NSD2: variants seen among roughly 807,000 people sequenced by gnomAD.
The protein encoded by NSD2 is nuclear receptor binding SET domain protein 2.
A neutral mutation model predicts 139.0 loss-of-function variants in NSD2; 12 were observed. The ratio of observed to expected loss-of-function variants is 0.09; its 90% CI spans 0.06 to 0.14. The LOEUF (loss-of-function observed/expected upper bound fraction) is 0.14. Among genes scored for constraint, NSD2 ranks in the 10% least tolerant of loss-of-function variants. NSD2 has a pLI of 1.00. For synonymous variants in NSD2, 669 were observed against 648.7 expected (o/e 1.03, Z -0.48); for missense variants, 1,155 against 1,745.0 (o/e 0.66, Z 6.02).
intron 1 of NSD2, among the ~76,000 whole-genome samples, chr4:1,890,150 C>G (rs1038097526): frequency 6.6e-6 from 1 of 152,122 alleles, no homozygotes; most frequent in Non-Finnish European, 1.5e-5. Flanking sequence ...TAAATCAGGA[C>G]GTCATTTCTT....
At chr4:1,925,367 A>G (rs1202311954) in intron 5 of NSD2, among the ~76,000 whole-genome samples, 3 of 128,374 alleles carry the variant, frequency 2.3e-5, no homozygotes, top group Non-Finnish European at 5.0e-5. Context: ...CTGACTCTTT[A>G]GAGGTCATTT....
chr4:1,872,318 T>C (rs1277711276), intron 1 of NSD2, among the ~76,000 whole-genome samples: 1 of 152,150 alleles, frequency 6.6e-6, no homozygotes, highest in Admixed American at 6.5e-5. Flanking sequence ...CCTCAGTGCA[T>C]GAGATGGGAC....
At chr4:1,944,518 G>A (rs1303199622) in intron 9 of NSD2, 5 of 1,065,354 alleles carry the variant, frequency 4.7e-6, no homozygotes, top group Non-Finnish European at 5.7e-6. Context: ...CACACACTAT[G>A]TCTGTGCTTG....
chr4:1,939,994 C>G, intron 9 of NSD2: 1 of 1,416,954 alleles, frequency 7.1e-7, no homozygotes, highest in Non-Finnish European at 9.2e-7. Flanking sequence ...CACACGCACA[C>G]AGTGTCTGTG....
At chr4:1,882,563 C>G (rs897915385) in intron 1 of NSD2, among the ~76,000 whole-genome samples, 2 of 152,166 alleles carry the variant, frequency 1.3e-5, no homozygotes, top group African/African-American at 4.8e-5. Flanking sequence ...ACTCGGGAGG[C>G]TGAGGCAGGA....
At chr4:1,959,995 G>A (rs372274419) in intron 17 of NSD2, among the ~76,000 whole-genome samples, 1 of 152,154 alleles carries the variant, frequency 6.6e-6, no homozygotes, top group South Asian at 2.1e-4. Context: ...CAAGCAGCTG[G>A]GACTACAGGC....
chr4:1,913,090 C>G (rs1481212158), intron 3 of NSD2, among the ~76,000 whole-genome samples: 2 of 152,188 alleles, frequency 1.3e-5, no homozygotes, highest in Non-Finnish European at 2.9e-5. Flanking sequence ...AATCTCTGTT[C>G]TACAATTATA....
intron 1 of NSD2, chr4:1,887,538 C>G (rs1254095825): frequency 6.6e-6 from 1 of 152,118 alleles, no homozygotes; most frequent in African/African-American, 2.4e-5. Flanking sequence ...TACAGTGGCA[C>G]GATCATAGCT....
chr4:1,878,730 G>A (rs914407349), intron 1 of NSD2, among the ~76,000 whole-genome samples: 2 of 152,182 alleles, frequency 1.3e-5, no homozygotes, highest in African/African-American at 4.8e-5. Flanking sequence ...TTGATGTGGA[G>A]TTGGAAAGGT....
chr4:1,906,261 T>C (rs950430551), intron 3 of NSD2, among the ~76,000 whole-genome samples: 1 of 152,282 alleles, frequency 6.6e-6, no homozygotes, highest in Admixed American at 6.5e-5. Context: ...TTTTTGGGGA[T>C]GGAGGCTCGC....
chr4:1,976,189 A>G lies in NSD2; in HGVS notation c.3622-286A>G, dbSNP rs1727061863. On this transcript the variant is annotated intron_variant, in intron 20 of 21. Coordinates refer to ENST00000508803, the MANE Select transcript of NSD2 (RefSeq NM_001042424.3). This position sits in a 1 kb window ranked among gnomAD's most constrained non-coding sequence, Gnocchi z 5.3. ...GCCTCCTTTGCCAGTGGGTCCCATC[A>G]GCAGATCCTGGAGCTGTGTGTCTGC... Among the ~76,000 whole-genome samples, 2 of 152,210 alleles carry G rather than the reference A, an allele frequency of 1.3e-5. No individual in the cohort carries two copies. Among genetic ancestry groups the G allele is most frequent in the Non-Finnish European group, 2.9e-5 (2 of 68,032 alleles).
At chr4:1,872,074 C>T (rs1442318011) in intron 1 of NSD2, among the ~76,000 whole-genome samples, 1 of 151,832 alleles carries the variant, frequency 6.6e-6, no homozygotes, top group Non-Finnish European at 1.5e-5. Flanking sequence ...AGGGGTCGGG[C>T]CGAGGGTCGC....
At chr4:1,945,535 A>G in intron 9 of NSD2, 2 of 1,064,908 alleles carry the variant, frequency 1.9e-6, no homozygotes, top group East Asian at 5.0e-5. Context: ...TAAAATTAAG[A>G]TGATAAGAAA....
chr4:1,906,967 CTCTT>C (rs892786835), intron 3 of NSD2, among the ~76,000 whole-genome samples: 3 of 152,006 alleles, frequency 2.0e-5, no homozygotes, highest in Non-Finnish European at 4.4e-5. Context: ...GGCCTCATCT[CTCTT>C]TCTTTGCTTG....
In NSD2 at chr4:1,981,892, CAGCCTCACCAT is replaced by C. The variant is rs1727803058; in HGVS notation, c.*2985_*2995del. On this transcript the variant is annotated 3_prime_UTR_variant, in exon 22 of 22. Coordinates refer to ENST00000508803, the MANE Select transcript of NSD2 (RefSeq NM_001042424.3). Reference sequence around the variant, plus strand: ...AAAATGCTGTGTCCACGGGGTGTCACAGCCTCACCATACCCTGTTGAGGTGTGAAATGCCCC... The same window carrying C: ...AAAATGCTGTGTCCACGGGGTGTCACACCCTGTTGAGGTGTGAAATGCCCC... 2.5e-6 allele frequency: 1 copy of C among 398,544 alleles called. No individual in the cohort carries two copies. Among genetic ancestry groups the C allele is most frequent in the African/African-American group, 2.1e-5 (1 of 48,624 alleles). 24.7% of individuals were successfully genotyped at this position (398,544 alleles called of 1,614,324 possible).
rs1724648909 is a variant in NSD2 at position 1,954,954 on chromosome 4, A to G, written c.2339-207A>G. 4.6e-5 allele frequency among the ~76,000 whole-genome samples: 7 copies of G among 152,182 alleles called. 1 individual carries two copies. Among genetic ancestry groups the G allele is most frequent in the Admixed American group, 4.6e-4 (7 of 15,270 alleles). On this transcript the variant is annotated intron_variant, in intron 12 of 21. Transcript: ENST00000508803. ...AGGTGCCTGCAGTGCCCAGGCTGAG[A>G]CACGCGGCATTTTAGATGTATGACC...
chr4:1,886,631 A>G (rs1715134313), intron 1 of NSD2, among the ~76,000 whole-genome samples: 1 of 152,046 alleles, frequency 6.6e-6, no homozygotes, highest in South Asian at 2.1e-4. Flanking sequence ...GGAGATCAAG[A>G]CCATCCTAGC....
chr4:1,913,765 C>T (rs1718996277), intron 3 of NSD2, among the ~76,000 whole-genome samples: 1 of 152,054 alleles, frequency 6.6e-6, no homozygotes, highest in African/African-American at 2.4e-5. Context: ...GGGCCACTAC[C>T]AGTCTCCGCA....
intron 9 of NSD2, chr4:1,943,726 CAAAAA>C (rs201271995): frequency 5.7e-6 from 6 of 1,047,914 alleles, no homozygotes; most frequent in Non-Finnish European, 4.6e-6. Context: ...TTAAAATTCT[CAAAAA>C]AAAACCCCAC....
Sources: gnomAD v4.1 joint callset for allele counts (sites outside exome capture counted in the v4.1 genomes callset) on GRCh38, gnomAD v4.1.1 for gene constraint, Gnocchi (gnomAD v3.1) non-coding constraint, MANE v1.5 for transcripts, NCBI Gene and HGNC (gene_info 2026-07-23, HGNC 2026-07-21) for gene names.